The following TBC1D22A variants were observed in gnomAD, a reference collection of about 807,000 sequenced individuals.
TBC1D22A encodes the protein TBC1 domain family member 22A.
A neutral mutation model predicts 60.2 loss-of-function variants in TBC1D22A; 38 were observed. That is an observed-to-expected ratio of 0.63 (90% CI 0.49 to 0.83). TBC1D22A has a LOEUF of 0.83. Among genes scored for constraint, TBC1D22A ranks in the 40% least tolerant of loss-of-function variants. The pLI is 0.00. For synonymous variants in TBC1D22A, 302 were observed against 281.7 expected (o/e 1.07, Z -0.72); for missense variants, 628 against 701.0 (o/e 0.90, Z 1.18).
intron 10 of TBC1D22A, among the ~76,000 whole-genome samples, chr22:47,014,899 T>C (rs1479683514): frequency 6.6e-6 from 1 of 152,206 alleles, no homozygotes; most frequent in African/African-American, 2.4e-5. Flanking sequence ...CACGCCCAGC[T>C]ACCAACAGAG....
chr22:46,895,927 C>T (rs1014693238), intron 7 of TBC1D22A, among the ~76,000 whole-genome samples: 6 of 152,082 alleles, frequency 3.9e-5, no homozygotes, highest in Admixed American at 2.6e-4. Context: ...GCCTGTTGTA[C>T]CTTCAAGATA....
intron 12 of TBC1D22A, among the ~76,000 whole-genome samples, chr22:47,155,813 C>T (rs796164809): frequency 4.6e-4 from 70 of 152,036 alleles, no homozygotes; most frequent in African/African-American, 1.6e-3. Flanking sequence ...CCTTTCTGTG[C>T]GGAGCTACCT....
intron 11 of TBC1D22A, among the ~76,000 whole-genome samples, chr22:47,044,625 C>T (rs2062969087): frequency 6.6e-6 from 1 of 152,240 alleles, no homozygotes; most frequent in East Asian, 1.9e-4. Context: ...AGGTCGTAAG[C>T]TTTCCATGCC....
At position 47,069,795 on chromosome 22, in the gene TBC1D22A, G is replaced by C. The variant is rs548367739; in HGVS notation, c.1329+32597G>C. On this transcript the variant is annotated intron_variant, in intron 11 of 12. Coordinates refer to ENST00000337137, the MANE Select transcript of TBC1D22A (RefSeq NM_014346.5). ...TTCCCTATTGTTTGGTTGGAGCAGAGCTGACTTGACGGTTCCCGGCTGTTC... is the reference window on the plus strand; with the variant it reads ...TTCCCTATTGTTTGGTTGGAGCAGACCTGACTTGACGGTTCCCGGCTGTTC... Among the ~76,000 whole-genome samples the C allele has an allele frequency of 1.6e-4, 17 of 108,610 alleles. 2 individuals carry two copies. Among genetic ancestry groups the C allele is most frequent in the African/African-American group, 5.9e-4 (16 of 27,220 alleles). The allele number at this position is 108,610 out of a possible 152,430, so 71.3% of individuals were successfully genotyped here. A position where few individuals can be genotyped will look rare whatever the true frequency, so the allele number is the denominator to read the frequency against.
intron 11 of TBC1D22A, among the ~76,000 whole-genome samples, chr22:47,108,960 G>T (rs2065743176): frequency 1.3e-5 from 2 of 152,206 alleles, no homozygotes; most frequent in Non-Finnish European, 2.9e-5. Context: ...CTTTCAAAGT[G>T]CTGGAATTAC....
intron 11 of TBC1D22A, among the ~76,000 whole-genome samples, chr22:47,077,769 G>A (rs1168394400): frequency 2.0e-5 from 3 of 152,310 alleles, no homozygotes; most frequent in East Asian, 1.9e-4. Context: ...AGTCTGAGGG[G>A]TCAGAGAAGG....
chr22:46,770,813 T>C (rs986878963), intron 1 of TBC1D22A, among the ~76,000 whole-genome samples: 1 of 152,220 alleles, frequency 6.6e-6, no homozygotes, highest in Non-Finnish European at 1.5e-5. Context: ...GAAGAGATTG[T>C]TTATTGGGTA....
intron 11 of TBC1D22A, among the ~76,000 whole-genome samples, chr22:47,097,975 G>C (rs955784195): frequency 2.6e-5 from 4 of 152,060 alleles, no homozygotes; most frequent in African/African-American, 9.7e-5. Context: ...AGTGGTGGGG[G>C]CCCCTGCTAC....
chr22:46,787,788 A>AG (rs2084223099), intron 1 of TBC1D22A, among the ~76,000 whole-genome samples: 2 of 152,122 alleles, frequency 1.3e-5, no homozygotes, highest in African/African-American at 2.4e-5. Context: ...CAGAATGGGG[A>AG]GGGTTTCAAC....
chr22:46,927,390 C>A (rs1217235275), intron 8 of TBC1D22A, among the ~76,000 whole-genome samples: 8 of 152,156 alleles, frequency 5.3e-5, no homozygotes, highest in African/African-American at 4.8e-5. Context: ...AAGCATTTGA[C>A]AAAATCCAAC....
In TBC1D22A at chr22:47,173,840, C is replaced by G; in HGVS notation, c.*214C>G. On this transcript the variant is annotated 3_prime_UTR_variant, in exon 13 of 13. Coordinates refer to ENST00000337137, the MANE Select transcript of TBC1D22A (RefSeq NM_014346.5). ...TGTTTTCTGAGATACCAAAGAGAGC[C>G]AGGGGAGGGCCCCGGGTTCGGCGGC... 2.7e-6 allele frequency: 2 copies of G among 742,596 alleles called. No homozygotes were observed. Among genetic ancestry groups the G allele is most frequent in the Non-Finnish European group, 4.1e-6 (2 of 492,644 alleles). 46.0% of individuals were successfully genotyped at this position (742,596 alleles called of 1,614,324 possible). A position where few individuals can be genotyped will look rare whatever the true frequency, so the allele number is the denominator to read the frequency against.
chr22:47,153,922 G>A (rs2147181878), intron 12 of TBC1D22A, among the ~76,000 whole-genome samples: 1 of 152,224 alleles, frequency 6.6e-6, no homozygotes, highest in Admixed American at 6.5e-5. Flanking sequence ...TGGGAGGTCC[G>A]GGGACACTGG....
At chr22:47,038,599 G>T (rs111432562) in intron 11 of TBC1D22A, among the ~76,000 whole-genome samples, 1 of 152,198 alleles carries the variant, frequency 6.6e-6, no homozygotes, top group East Asian at 1.9e-4. Context: ...GTTTTTGTGT[G>T]AGTCATCTAG....
intron 11 of TBC1D22A, among the ~76,000 whole-genome samples, chr22:47,088,114 T>G (rs2064776149): frequency 6.6e-6 from 1 of 151,618 alleles, no homozygotes; most frequent in African/African-American, 2.4e-5. Context: ...TAAAAAAGAT[T>G]CAATATGAAC....
intron 4 of TBC1D22A, among the ~76,000 whole-genome samples, chr22:46,848,627 A>G (rs751525879): frequency 2.6e-5 from 4 of 152,212 alleles, no homozygotes; most frequent in Non-Finnish European, 5.9e-5. Context: ...TTTTCTTGGT[A>G]ACAAGGGCTT....
chr22:47,076,111 T>TA (rs1172650710), intron 11 of TBC1D22A, among the ~76,000 whole-genome samples: 3 of 152,228 alleles, frequency 2.0e-5, no homozygotes, highest in Admixed American at 6.5e-5. Context: ...GATTTTATCT[T>TA]ACCTTTCTCA....
At position 46,945,058 on chromosome 22, in the gene TBC1D22A, A is replaced by G. The variant is rs149112746; in HGVS notation, c.1016-29232A>G. 9.4e-3 allele frequency among the ~76,000 whole-genome samples: 1,433 copies of G among 152,360 alleles called. 22 individuals carry two copies. The highest frequency in any genetic ancestry group is 0.033 in the African/African-American group (1,375 of 41,586). ...ACTTTGCAACTTCATGCATTTAGCA[A>G]CTGAGCCACTTCCAAATCTGTAGTT... is the stretch of plus-strand genomic sequence containing the variant. On this transcript the variant is annotated intron_variant, in intron 8 of 12. Transcript: ENST00000337137.
At chr22:46,974,644 G>T (rs772633365) in intron 9 of TBC1D22A, among the ~76,000 whole-genome samples, 16 of 152,254 alleles carry the variant, frequency 1.1e-4, no homozygotes, top group Non-Finnish European at 2.4e-4. Flanking sequence ...GCGAGGTGCA[G>T]AGTCTGATCC....
At chr22:47,145,797 C>T (rs536929306) in intron 12 of TBC1D22A, among the ~76,000 whole-genome samples, 6 of 152,216 alleles carry the variant, frequency 3.9e-5, no homozygotes, top group Admixed American at 2.6e-4. Flanking sequence ...ATTGTGTAAC[C>T]TTCAGGGCTT....
Sources: allele counts gnomAD v4.1 joint callset (sites outside exome capture counted in the v4.1 genomes callset), GRCh38; gene constraint gnomAD v4.1.1; transcripts MANE v1.5; gene names NCBI Gene and HGNC (gene_info 2026-07-23, HGNC 2026-07-21).